The following IL1RAPL1 variants were observed in gnomAD, a reference collection of about 807,000 sequenced individuals.
IL1RAPL1 encodes interleukin-1 receptor accessory protein-like 1.
IL1RAPL1 carries 3 observed loss-of-function variants against 48.4 expected under a neutral mutation model. That is an observed-to-expected ratio of 0.06 (90% CI 0.03 to 0.16). IL1RAPL1 has a LOEUF of 0.16. Ranked by LOEUF, IL1RAPL1 falls within the 10% of genes least tolerant of loss-of-function variation. The pLI is 1.00. For synonymous variants in IL1RAPL1, 185 were observed against 187.7 expected, an observed-to-expected ratio of 0.99 and a Z score of 0.12; for missense variants, 349 against 530.6, an observed-to-expected ratio of 0.66 and a Z score of 3.36.
intron 5 of IL1RAPL1, among the ~76,000 whole-genome samples, chrX:29,606,624 C>G (rs1923900551): frequency 8.9e-6 from 1 of 112,114 alleles, no homozygotes; most frequent in Non-Finnish European, 1.9e-5. Context: ...ACTTGAAGAC[C>G]TCCCAATTGC....
At chrX:29,223,924 A>C (rs753852401) in intron 2 of IL1RAPL1, among the ~76,000 whole-genome samples, 1 of 111,599 alleles carries the variant, frequency 9.0e-6, no homozygotes, top group Non-Finnish European at 1.9e-5. Flanking sequence ...ATATATAAAC[A>C]TTCCAGAAAG....
chrX:29,620,959 C>T (rs1215335693), intron 5 of IL1RAPL1, among the ~76,000 whole-genome samples: 1 of 111,954 alleles, frequency 8.9e-6, no homozygotes, highest in South Asian at 3.7e-4. Context: ...TTTGTTAGAA[C>T]CTTCTTTAAA....
chrX:29,333,654 G>T (rs1318098842), intron 3 of IL1RAPL1, among the ~76,000 whole-genome samples: 8 of 82,787 alleles, frequency 9.7e-5, no homozygotes, highest in Admixed American at 2.3e-4. Context: ...CAGTAGGGGC[G>T]GCCGGGCAGA....
intron 9 of IL1RAPL1, among the ~76,000 whole-genome samples, chrX:29,947,126 G>A (rs988855171): frequency 1.8e-5 from 2 of 111,564 alleles, no homozygotes; most frequent in Non-Finnish European, 3.8e-5. Flanking sequence ...ATAAGGGCAA[G>A]CTACTGTCTT....
intron 2 of IL1RAPL1, among the ~76,000 whole-genome samples, chrX:28,896,856 C>T (rs1260837880): frequency 1.8e-5 from 2 of 110,611 alleles, no homozygotes; most frequent in Admixed American, 1.9e-4. Flanking sequence ...AATGCCTGGA[C>T]GTCAGGCACC....
At chrX:29,863,828 T>C (rs1190844850) in intron 6 of IL1RAPL1, among the ~76,000 whole-genome samples, 3 of 110,471 alleles carry the variant, frequency 2.7e-5, no homozygotes, top group Non-Finnish European at 5.7e-5. Context: ...ACTCTGTCGC[T>C]CAGGCTAGAG....
chrX:28,697,333 AATG>A (rs947523688), intron 1 of IL1RAPL1, among the ~76,000 whole-genome samples: 1 of 111,013 alleles, frequency 9.0e-6, no homozygotes, highest in Non-Finnish European at 1.9e-5. Flanking sequence ...TGAATTTTTT[AATG>A]ATGTTTTCCA....
intron 1 of IL1RAPL1, among the ~76,000 whole-genome samples, chrX:28,703,839 T>C (rs1048136082): frequency 2.7e-5 from 3 of 111,822 alleles, no homozygotes; most frequent in African/African-American, 9.7e-5. Context: ...TGAATACATG[T>C]CATTACCACT....
At chrX:28,879,487 A>G (rs780880301) in intron 2 of IL1RAPL1, among the ~76,000 whole-genome samples, 19 of 111,554 alleles carry the variant, frequency 1.7e-4, no homozygotes, top group Non-Finnish European at 3.2e-4. Context: ...AGGTAAATAA[A>G]GATTAATTTA....
intron 6 of IL1RAPL1, among the ~76,000 whole-genome samples, chrX:29,704,951 AGTACAGTTTTATTAC>A (rs1166050505): frequency 9.0e-6 from 1 of 111,136 alleles, no homozygotes; most frequent in Non-Finnish European, 1.9e-5. Context: ...AGGGGATAGA[AGTACAGTTTTATTAC>A]ATGGATATAT....
intron 5 of IL1RAPL1, among the ~76,000 whole-genome samples, chrX:29,496,819 T>C (rs1602264164): frequency 1.8e-5 from 2 of 111,862 alleles, no homozygotes; most frequent in African/African-American, 3.2e-5. Context: ...GAGAGTAGGA[T>C]GCACTTGTGC....
intron 8 of IL1RAPL1, among the ~76,000 whole-genome samples, chrX:29,923,364 T>A (rs1419197787): frequency 8.9e-6 from 1 of 112,043 alleles, no homozygotes; most frequent in African/African-American, 3.2e-5. Flanking sequence ...TCATCAGACA[T>A]GCAATATAGA....
At chrX:29,272,870 A>G (rs1029239374) in intron 2 of IL1RAPL1, among the ~76,000 whole-genome samples, 2 of 110,989 alleles carry the variant, frequency 1.8e-5, no homozygotes, top group Admixed American at 1.9e-4. Flanking sequence ...TGTCTGATTG[A>G]CTTAATTCAG....
At chrX:28,914,815 G>A (rs1923445586) in intron 2 of IL1RAPL1, among the ~76,000 whole-genome samples, 1 of 112,382 alleles carries the variant, frequency 8.9e-6, no homozygotes, top group South Asian at 3.6e-4. Flanking sequence ...GAAAATACTC[G>A]CAGATGAACT....
intron 2 of IL1RAPL1, among the ~76,000 whole-genome samples, chrX:29,092,533 G>T (rs773294598): frequency 9.0e-6 from 1 of 110,992 alleles, no homozygotes; most frequent in African/African-American, 3.3e-5. Flanking sequence ...ATTTTCAAAG[G>T]AAATTTTATA....
intron 2 of IL1RAPL1, among the ~76,000 whole-genome samples, chrX:29,276,532 C>T (rs1932121772): frequency 9.1e-6 from 1 of 110,111 alleles, no homozygotes; most frequent in African/African-American, 3.3e-5. Context: ...TGTGTTAACA[C>T]CAAAGATATA....
chrX:29,944,604 T>C lies in IL1RAPL1; in HGVS notation c.1201+2810T>C, dbSNP rs767735392. On this transcript the variant is annotated intron_variant, in intron 9 of 10. Coordinates refer to ENST00000378993, the MANE Select transcript of IL1RAPL1 (RefSeq NM_014271.4). ...TCCAAGATTACTCCGTCACTTCTGG[T>C]TTGGAATTCAGCTTCTTGTGGGTTA... Among the ~76,000 whole-genome samples, 4 of 112,260 alleles carry C rather than the reference T, an allele frequency of 3.6e-5. No homozygotes were observed. The South Asian group carries it at 1.5e-3, about 42-fold the overall frequency.
At chrX:28,830,230 A>G (rs1208529112) in intron 2 of IL1RAPL1, among the ~76,000 whole-genome samples, 1 of 111,632 alleles carries the variant, frequency 9.0e-6, no homozygotes, top group Non-Finnish European at 1.9e-5. Context: ...TCTTTTTTAA[A>G]TGCTTGGTAG....
intron 2 of IL1RAPL1, among the ~76,000 whole-genome samples, chrX:28,954,713 TCC>T (rs1459300293): frequency 1.8e-5 from 2 of 111,512 alleles, no homozygotes; most frequent in Non-Finnish European, 3.8e-5. Context: ...ATTGTCACCT[TCC>T]CCACAATATT....
Sources: allele counts gnomAD v4.1 joint callset (sites outside exome capture counted in the v4.1 genomes callset), GRCh38; gene constraint gnomAD v4.1.1; transcripts MANE v1.5; gene names NCBI Gene and HGNC (gene_info 2026-07-23, HGNC 2026-07-21).